PDE4D: variants seen among roughly 807,000 people sequenced by gnomAD.
PDE4D encodes 3',5'-cyclic-AMP phosphodiesterase 4D.
In PDE4D, 24 loss-of-function variants were observed where a neutral mutation model predicts 87.4. The observed-to-expected ratio is 0.27, with a 90% confidence interval of 0.20 to 0.39. The LOEUF (loss-of-function observed/expected upper bound fraction) is 0.39, where lower values mean the gene tolerates loss of function less well. Ranked by LOEUF, PDE4D falls within the 10% of genes least tolerant of loss-of-function variation. The pLI is 1.00. For missense variants in PDE4D, 714 were observed against 1,041.0 expected, an observed-to-expected ratio of 0.69 and a Z score of 4.32; for synonymous variants, 384 against 383.2, an observed-to-expected ratio of 1.00 and a Z score of -0.02.
intron 1 of PDE4D, among the ~76,000 whole-genome samples, chr5:60,252,100 T>C (rs192153326): frequency 6.6e-6 from 1 of 151,942 alleles, no homozygotes; most frequent in African/African-American, 2.4e-5. Flanking sequence ...ATAACCTAGG[T>C]GTATACTAAG....
At chr5:58,989,271 A>G (rs1052468693) in intron 10 of PDE4D, among the ~76,000 whole-genome samples, 1 of 152,216 alleles carries the variant, frequency 6.6e-6, no homozygotes, top group Non-Finnish European at 1.5e-5. Context: ...AACAAACTGA[A>G]TTATAAAATA....
chr5:59,743,458 G>A (rs1053902001), intron 1 of PDE4D, among the ~76,000 whole-genome samples: 3 of 152,024 alleles, frequency 2.0e-5, no homozygotes, highest in Non-Finnish European at 2.9e-5. Flanking sequence ...TACTAATAGA[G>A]AGATACAAAT....
intron 3 of PDE4D, among the ~76,000 whole-genome samples, chr5:59,940,086 C>T (rs2152797271): frequency 6.6e-6 from 1 of 152,158 alleles, no homozygotes; most frequent in Middle Eastern, 3.4e-3. Flanking sequence ...GAGAGAAGTC[C>T]CTCTGGTGGC....
intron 1 of PDE4D, among the ~76,000 whole-genome samples, chr5:59,835,531 G>T (rs1168450228): frequency 6.6e-6 from 1 of 151,952 alleles, no homozygotes. Context: ...TTTTCTTACA[G>T]TTCTTTCATC....
rs150697293 is a variant in PDE4D at position 59,784,493 on chromosome 5, G to A, written c.455+108675C>T. On this transcript the variant is annotated intron_variant, in intron 1 of 14. Coordinates refer to ENST00000340635, the MANE Select transcript of PDE4D (RefSeq NM_001104631.2). ...GTTGAAACCTGCATTTCTCAAATCC[G>A]TATTGTATAAACCAGGCATTACCTT... Among the ~76,000 whole-genome samples the A allele has an allele frequency of 3.0e-4, 45 of 152,202 alleles. No homozygotes were observed. In the East Asian group the frequency reaches 6.0e-3, roughly 20 times the overall value.
rs927730832 is a variant in PDE4D at position 60,145,223 on chromosome 5, T to C, written c.42+40334A>G. Among the ~76,000 whole-genome samples, 20 of 152,314 alleles carry C rather than the reference T, an allele frequency of 1.3e-4. No homozygotes were observed. In the East Asian group the frequency reaches 3.7e-3, roughly 28 times the overall value. Reference sequence around the variant, plus strand: ...ACTGAAATCACTATAATTCTTGGTTTAAAGAAGTTAATATATTTTCTGCCA... The same window carrying C: ...ACTGAAATCACTATAATTCTTGGTTCAAAGAAGTTAATATATTTTCTGCCA... On this transcript the variant is annotated intron_variant, in intron 2 of 16. Transcript: ENST00000502484.
chr5:59,707,152 C>T (rs1753540776), intron 1 of PDE4D, among the ~76,000 whole-genome samples: 1 of 152,136 alleles, frequency 6.6e-6, no homozygotes, highest in African/African-American at 2.4e-5. Flanking sequence ...TAGCTGTACA[C>T]AGAAGTGAGA....
intron 1 of PDE4D, among the ~76,000 whole-genome samples, chr5:59,422,165 C>T (rs1413772597): frequency 6.6e-6 from 1 of 152,184 alleles, no homozygotes; most frequent in African/African-American, 2.4e-5. Context: ...ACAACATGCT[C>T]TACTGAGAAC....
intron 3 of PDE4D, among the ~76,000 whole-genome samples, chr5:59,983,966 G>T (rs1762165695): frequency 6.6e-6 from 1 of 152,060 alleles, no homozygotes; most frequent in Non-Finnish European, 1.5e-5. Flanking sequence ...ATTAGTAAGA[G>T]AGTAAAAATA....
intron 2 of PDE4D, among the ~76,000 whole-genome samples, chr5:60,079,941 C>T (rs1168017806): frequency 6.6e-6 from 1 of 152,168 alleles, no homozygotes; most frequent in Non-Finnish European, 1.5e-5. Context: ...ATGGGCATAG[C>T]TCTGAATTTA....
At chr5:59,988,704 G>A (rs369480211) in exon 3 of PDE4D, 63 of 1,590,076 alleles carry the variant, frequency 4.0e-5, no homozygotes, top group Non-Finnish European at 5.2e-5. Context: ...GGAATGTAGT[G>A]TTTCCTCAGA....
chr5:59,541,816 C>A (rs991203779), intron 1 of PDE4D, among the ~76,000 whole-genome samples: 1 of 152,192 alleles, frequency 6.6e-6, no homozygotes, highest in Non-Finnish European at 1.5e-5. Context: ...CTGAAAGAAT[C>A]CTGCCAGGGT....
At chr5:59,630,008 T>C (rs1831364831) in intron 1 of PDE4D, among the ~76,000 whole-genome samples, 2 of 152,222 alleles carry the variant, frequency 1.3e-5, no homozygotes, top group Non-Finnish European at 2.9e-5. Flanking sequence ...GATTAGTTTA[T>C]ATGGTTATGT....
chr5:59,636,559 T>C (rs1163755143), intron 1 of PDE4D, among the ~76,000 whole-genome samples: 3 of 152,150 alleles, frequency 2.0e-5, no homozygotes, highest in Non-Finnish European at 4.4e-5. Context: ...AACAGGTATA[T>C]AGACCAATGG....
At chr5:59,715,838 G>A (rs1210348371) in intron 1 of PDE4D, among the ~76,000 whole-genome samples, 1 of 152,230 alleles carries the variant, frequency 6.6e-6, no homozygotes, top group Non-Finnish European at 1.5e-5. Context: ...ATCATGGGGT[G>A]TTTGCCCGTC....
At chr5:59,046,075 T>C (rs755959794) in intron 5 of PDE4D, among the ~76,000 whole-genome samples, 3 of 152,200 alleles carry the variant, frequency 2.0e-5, no homozygotes, top group Non-Finnish European at 4.4e-5. Flanking sequence ...TTAATCATAC[T>C]GTAATAAGAT....
intron 1 of PDE4D, among the ~76,000 whole-genome samples, chr5:59,665,827 G>C (rs1263421792): frequency 4.6e-5 from 7 of 152,184 alleles, no homozygotes; most frequent in Non-Finnish European, 8.8e-5. Flanking sequence ...TCCAAGTGAG[G>C]ACACAGCAAG....
chr5:59,215,769 G>GTA lies in PDE4D; in HGVS notation c.647+6_647+7dup, dbSNP rs763628104. On this transcript the variant is annotated splice_region_variant and intron_variant, in intron 2 of 14. Coordinates refer to ENST00000340635, the MANE Select transcript of PDE4D (RefSeq NM_001104631.2). ...GTTTTCTCTCTCTTTGCCTGCCCTT[G>GTA]TACTTACATATCACTGGCAATGGAG... 1.1e-4 allele frequency: 183 copies of GTA among 1,611,890 alleles called. 1 individual carries two copies. In the African/African-American group the frequency reaches 1.6e-3, roughly 14 times the overall value.
At chr5:60,359,923 CT>C (rs1759918949) in intron 1 of PDE4D, among the ~76,000 whole-genome samples, 1 of 152,202 alleles carries the variant, frequency 6.6e-6, no homozygotes, top group Admixed American at 6.5e-5. Flanking sequence ...CATTCATCCT[CT>C]CATGCTTTTG....
Sources: allele counts gnomAD v4.1 joint callset (sites outside exome capture counted in the v4.1 genomes callset), GRCh38; gene constraint gnomAD v4.1.1; transcripts MANE v1.5; gene names NCBI Gene and HGNC (gene_info 2026-07-23, HGNC 2026-07-21).